Variants in LINGO2 observed in about 807,000 individuals in gnomAD.
The protein encoded by LINGO2 is leucine-rich repeat and immunoglobulin-like domain-containing nogo receptor-interacting protein 2.
LINGO2 carries 14 observed loss-of-function variants against 30.6 expected under a neutral mutation model. That is an observed-to-expected ratio of 0.46 (90% CI 0.30 to 0.72). The LOEUF (loss-of-function observed/expected upper bound fraction) is 0.72, where lower values mean the gene tolerates loss of function less well. LINGO2 is among the 30% of genes least tolerant of loss of function. LINGO2 has a pLI of 0.07. For synonymous variants in LINGO2, 317 were observed against 288.5 expected, an observed-to-expected ratio of 1.10 and a Z score of -1.00; for missense variants, 729 against 751.7, an observed-to-expected ratio of 0.97 and a Z score of 0.35.
the LINGO2 span, among the ~76,000 whole-genome samples, chr9:28,884,946 ATAATATATAATATT>A: frequency 1.4e-4 from 11 of 76,524 alleles, no homozygotes; most frequent in African/African-American, 6.0e-4. Context: ...TATAATATAT[ATAATATATAATATT>A]TTATATATAT....
intron 2 of LINGO2, among the ~76,000 whole-genome samples, chr9:28,388,350 AT>A (rs1160524346): frequency 9.9e-5 from 15 of 152,124 alleles, no homozygotes; most frequent in African/African-American, 3.6e-4. Flanking sequence ...CTATTTTGCT[AT>A]TGTAAACATT....
In LINGO2 at chr9:28,304,451, G is replaced by A. The variant is rs528723459; in HGVS notation, c.-245-9085C>T. ...ACATAAGATTTTATGTATACACTTG[G>A]ATCAGTTTTAAGAAATCAGTATATC... On this transcript the variant is annotated intron_variant, in intron 3 of 5. Coordinates refer to ENST00000379992, the Ensembl canonical transcript of LINGO2. 2.6e-5 allele frequency among the ~76,000 whole-genome samples: 4 copies of A among 151,744 alleles called. No homozygotes were observed. In the Admixed American group the frequency reaches 2.6e-4, roughly 10 times the overall value.
intron 4 of LINGO2, among the ~76,000 whole-genome samples, chr9:28,099,978 T>C (rs1326710333): frequency 5.9e-5 from 9 of 152,206 alleles, no homozygotes; most frequent in African/African-American, 2.2e-4. Flanking sequence ...TTTTTACCTC[T>C]GAAAATCTAC....
chr9:28,467,141 T>C (rs1395400670), intron 2 of LINGO2, among the ~76,000 whole-genome samples: 3 of 151,926 alleles, frequency 2.0e-5, no homozygotes, highest in African/African-American at 7.2e-5. Flanking sequence ...TTCTCCTGCC[T>C]CAGCCTCCCG....
chr9:28,319,363 G>A (rs1264340129), intron 3 of LINGO2, among the ~76,000 whole-genome samples: 1 of 151,924 alleles, frequency 6.6e-6, no homozygotes, highest in East Asian at 1.9e-4. Context: ...CTCTTATATG[G>A]ATTTATATGA....
the LINGO2 span, among the ~76,000 whole-genome samples, chr9:29,202,427 T>C: frequency 1.3e-5 from 2 of 152,056 alleles, no homozygotes; most frequent in East Asian, 3.8e-4. Context: ...TACTTTTAAA[T>C]ACTGCTTCCA....
chr9:28,750,067 A>T, the LINGO2 span, among the ~76,000 whole-genome samples: 4 of 152,082 alleles, frequency 2.6e-5, no homozygotes, highest in South Asian at 8.3e-4. Context: ...GTACATAGAG[A>T]TCATTTAGCC....
chr9:28,451,917 T>A (rs2135075088), intron 2 of LINGO2, among the ~76,000 whole-genome samples: 1 of 151,852 alleles, frequency 6.6e-6, no homozygotes, highest in East Asian at 1.9e-4. Context: ...TGTAAAAATG[T>A]AAAATTTTAG....
intron 2 of LINGO2, among the ~76,000 whole-genome samples, chr9:28,386,293 T>C (rs1821577577): frequency 6.6e-6 from 1 of 152,194 alleles, no homozygotes; most frequent in African/African-American, 2.4e-5. Context: ...GCAAGTTTTC[T>C]AGTTCTTTCA....
the LINGO2 span, among the ~76,000 whole-genome samples, chr9:28,754,911 A>G: frequency 2.0e-5 from 3 of 152,020 alleles, no homozygotes; most frequent in Admixed American, 1.3e-4. Flanking sequence ...GATTACAGGC[A>G]TAAGCCACCA....
At chr9:28,396,383 C>T (rs948362343) in intron 2 of LINGO2, among the ~76,000 whole-genome samples, 3 of 151,840 alleles carry the variant, frequency 2.0e-5, no homozygotes, top group African/African-American at 7.3e-5. Flanking sequence ...TTGGAGTTGA[C>T]AATTTTGAAT....
At chr9:28,179,264 T>C (rs373107891) in intron 4 of LINGO2, among the ~76,000 whole-genome samples, 1 of 146,558 alleles carries the variant, frequency 6.8e-6, no homozygotes, top group Admixed American at 6.9e-5. Context: ...ATATAGATAC[T>C]ATATATAAAA....
the LINGO2 span, among the ~76,000 whole-genome samples, chr9:28,789,162 CT>C: frequency 6.6e-6 from 1 of 151,976 alleles, no homozygotes; most frequent in African/African-American, 2.4e-5. Flanking sequence ...TAATGTTTTA[CT>C]TGTTGTTTAT....
chr9:28,421,298 G>GA (rs1175777550), intron 2 of LINGO2, among the ~76,000 whole-genome samples: 3 of 151,124 alleles, frequency 2.0e-5, no homozygotes, highest in East Asian at 1.9e-4. Context: ...ATCAATAAAT[G>GA]AAAAAACATT....
chr9:29,157,730 CAAT>C, the LINGO2 span, among the ~76,000 whole-genome samples: 57 of 152,114 alleles, frequency 3.7e-4, no homozygotes, highest in Admixed American at 3.6e-3. Flanking sequence ...TCCATGAAAA[CAAT>C]AATATCTCGG....
chr9:28,290,404 C>T (rs1229778652), intron 4 of LINGO2, among the ~76,000 whole-genome samples: 1 of 152,166 alleles, frequency 6.6e-6, no homozygotes, highest in Non-Finnish European at 1.5e-5. Context: ...CATTCTCTGG[C>T]TCCTGCTCTC....
the LINGO2 span, among the ~76,000 whole-genome samples, chr9:28,764,413 T>C: frequency 6.6e-6 from 1 of 151,890 alleles, no homozygotes; most frequent in African/African-American, 2.4e-5. Flanking sequence ...TACATGATCA[T>C]CTTAATAATT....
At chr9:29,151,713 A>G in the LINGO2 span, among the ~76,000 whole-genome samples, 1 of 152,204 alleles carries the variant, frequency 6.6e-6, no homozygotes, top group African/African-American at 2.4e-5. Flanking sequence ...CTAAATATAT[A>G]CACATAAAAC....
the LINGO2 span, among the ~76,000 whole-genome samples, chr9:28,816,328 A>T: frequency 6.6e-6 from 1 of 152,350 alleles, no homozygotes; most frequent in East Asian, 1.9e-4. Context: ...CAGGGGCAGC[A>T]GCCTGAATCA....
Sources: allele counts gnomAD v4.1 joint callset (sites outside exome capture counted in the v4.1 genomes callset), GRCh38; gene constraint gnomAD v4.1.1; transcripts MANE v1.5; gene names NCBI Gene and HGNC (gene_info 2026-07-23, HGNC 2026-07-21).